CDH3: variants seen among roughly 807,000 people sequenced by gnomAD.
The protein encoded by CDH3 is cadherin-3.
Under a neutral mutation model 82.0 loss-of-function variants are expected in CDH3, and 54 were observed. That is an observed-to-expected ratio of 0.66 (90% CI 0.53 to 0.83). The LOEUF (loss-of-function observed/expected upper bound fraction) is 0.83, where lower values mean the gene tolerates loss of function less well. Among genes scored for constraint, CDH3 ranks in the 40% least tolerant of loss-of-function variants. CDH3 has a pLI of 0.00. For missense variants in CDH3, 1,054 were observed against 1,084.6 expected (o/e 0.97, Z 0.40); for synonymous variants, 446 against 437.9 (o/e 1.02, Z -0.23).
chr16:68,663,340 C>T (rs1221461464), intron 2 of CDH3, among the ~76,000 whole-genome samples: 3 of 151,746 alleles, frequency 2.0e-5, no homozygotes, highest in Non-Finnish European at 1.5e-5. Context: ...ACGCCATTCT[C>T]CTGCCTCAGC....
downstream of CDH3, among the ~76,000 whole-genome samples, chr16:68,730,624 T>C (rs140264668): frequency 9.6e-3 from 1,456 of 152,324 alleles, 28 homozygotes; most frequent in African/African-American, 0.033. Flanking sequence ...GTGAATTTTA[T>C]TAGGTGCTTT....
At chr16:68,701,219 G>A (rs1203800293), downstream of CDH3, among the ~76,000 whole-genome samples, 1 of 151,998 alleles carries the variant, frequency 6.6e-6, no homozygotes, top group African/African-American at 2.4e-5. Context: ...AGAGTCCCCT[G>A]GCAATGGAAC....
chr16:68,695,439 C>T lies in CDH3; in HGVS notation c.2133+54C>T, dbSNP rs149639587. On this transcript the variant is annotated intron_variant, in intron 14 of 15. Transcript: ENST00000264012. ...AGGTGGATGCCCCTAAGGCCACTGG[C>T]AGGGCTGTTGGGTCAACCAACTGAC... 4,801 of 1,555,516 alleles carry T rather than the reference C, an allele frequency of 3.1e-3. 20 individuals are homozygous for T. Among genetic ancestry groups the T allele is most frequent in the South Asian group, 6.0e-3 (518 of 85,828 alleles).
intron 2 of CDH3, among the ~76,000 whole-genome samples, chr16:68,675,273 T>C (rs1960998132): frequency 6.6e-6 from 1 of 152,186 alleles, no homozygotes; most frequent in South Asian, 2.1e-4. Flanking sequence ...GACATACCTA[T>C]GGACAGGCGT....
intron 1 of CDH3, among the ~76,000 whole-genome samples, chr16:68,710,237 G>T (rs1962010425): frequency 6.6e-6 from 1 of 152,176 alleles, no homozygotes; most frequent in Admixed American, 6.5e-5. Flanking sequence ...CTCTTCCATG[G>T]CTCCAACACT....
intron 2 of CDH3, among the ~76,000 whole-genome samples, chr16:68,669,723 T>C (rs1960835320): frequency 6.6e-6 from 1 of 152,126 alleles, no homozygotes; most frequent in Non-Finnish European, 1.5e-5. Context: ...TGGGAGAGGA[T>C]TGGAGTCATT....
At position 68,695,347 on chromosome 16, in the gene CDH3, T is replaced by C. The variant is rs1253923779; in HGVS notation, c.2095T>C (p.Phe699Leu). ...LPEDDTRDNV[F>L]YYGEEGGGEE... ...AGAAGATGACACCCGTGACAACGTC[T>C]TCTACTATGGCGAAGAGGGGGGTGG... The change falls in exon 14 of 16, where the codon TTC becomes CTC. Residue 699 changes from phenylalanine (F) to leucine (L), a missense_variant. Transcript: ENST00000264012. 1.2e-6 allele frequency: 2 copies of C among 1,613,864 alleles called. No individual in the cohort carries two copies. The highest frequency in any genetic ancestry group is 2.7e-5 in the African/African-American group (2 of 74,900).
intron 2 of CDH3, among the ~76,000 whole-genome samples, chr16:68,653,530 C>A (rs1316137189): frequency 1.3e-5 from 2 of 152,110 alleles, no homozygotes; most frequent in African/African-American, 4.8e-5. Flanking sequence ...AGCCATCGCG[C>A]CCGGCCGGCA....
chr16:68,700,632 G>A (rs1253577099), downstream of CDH3, among the ~76,000 whole-genome samples: 2 of 152,134 alleles, frequency 1.3e-5, no homozygotes, highest in Admixed American at 6.5e-5. Context: ...CGCCCGCCTC[G>A]GCCTCCCAAA....
downstream of CDH3, among the ~76,000 whole-genome samples, chr16:68,729,717 G>A (rs556617109): frequency 1.7e-4 from 26 of 151,958 alleles, 1 homozygote; most frequent in East Asian, 2.7e-3. Flanking sequence ...CTGCAACCTC[G>A]ACCTCCTGGG....
rs1960152291 is a variant in CDH3, at chr16:68,648,714, A to G, written c.160+2964A>G. ...ATCTTCCCACCTCAGCCTCCCAAGC[A>G]CTGAGATGACAGGTACGATCCACTG... On this transcript the variant is annotated intron_variant, in intron 2 of 15. Transcript: ENST00000264012. 1.3e-5 allele frequency among the ~76,000 whole-genome samples: 2 copies of G among 152,010 alleles called. 1 individual carries two copies. The highest frequency in any genetic ancestry group is 4.1e-4 in the South Asian group (2 of 4,824).
chr16:68,709,530 C>T (rs1005379511), intron 1 of CDH3, among the ~76,000 whole-genome samples: 11 of 152,120 alleles, frequency 7.2e-5, no homozygotes, highest in African/African-American at 2.7e-4. Flanking sequence ...ACAATCTCGG[C>T]TTACTGCAAC....
rs1315224597 is a variant in CDH3, at chr16:68,687,756, T to A, written c.1795+20T>A. ...AGGAAGGTACCTGAGTGAGTGGTGG[T>A]AGCGGGTGGGGTGCCAGCCCCACTG... On this transcript the variant is annotated intron_variant, in intron 12 of 15. Coordinates refer to ENST00000264012, the MANE Select transcript of CDH3 (RefSeq NM_001793.6). The A allele has an allele frequency of 6.3e-7, 1 of 1,585,250 alleles. No homozygotes were observed. The highest frequency in any genetic ancestry group is 1.1e-5 in the South Asian group (1 of 90,474).
chr16:68,722,886 C>T (rs1376578523), intron 2 of CDH3, among the ~76,000 whole-genome samples: 1 of 151,944 alleles, frequency 6.6e-6, no homozygotes, highest in Non-Finnish European at 1.5e-5. Context: ...CTCTGCCTCC[C>T]AGGTTCCAGG....
intron 2 of CDH3, among the ~76,000 whole-genome samples, chr16:68,659,968 A>G (rs568137652): frequency 3.3e-5 from 5 of 152,324 alleles, no homozygotes; most frequent in Admixed American, 6.5e-5. Flanking sequence ...CTTGTTTTTA[A>G]TAGCGCCGTA....
chr16:68,696,083 G>GT, intron 15 of CDH3, 160 bp downstream of exon 15: 1 of 780,668 alleles, frequency 1.3e-6, no homozygotes. Flanking sequence ...AACTTCTGGG[G>GT]TTTGTTTCTT....
intron 11 of CDH3, among the ~76,000 whole-genome samples, chr16:68,685,846 A>G (rs1961396408): frequency 6.6e-6 from 1 of 152,170 alleles, no homozygotes; most frequent in African/African-American, 2.4e-5. Flanking sequence ...GGGACTGGCC[A>G]TGATTCCAAT....
chr16:68,660,201 A>C (rs1232578049), intron 2 of CDH3, among the ~76,000 whole-genome samples: 2 of 152,246 alleles, frequency 1.3e-5, no homozygotes, highest in Admixed American at 6.5e-5. Context: ...TTTCATGTTT[A>C]AACAATACCT....
intron 2 of CDH3, among the ~76,000 whole-genome samples, chr16:68,672,960 A>G (rs1433589860): frequency 2.6e-5 from 4 of 152,086 alleles, no homozygotes; most frequent in African/African-American, 9.7e-5. Flanking sequence ...GGCTTCTACT[A>G]CTCAACCTTA....
Sources: allele counts gnomAD v4.1 joint callset (sites outside exome capture counted in the v4.1 genomes callset), GRCh38; gene constraint gnomAD v4.1.1; transcripts MANE v1.5; gene names NCBI Gene and HGNC (gene_info 2026-07-23, HGNC 2026-07-21).